SCAF4: variants seen among roughly 807,000 people sequenced by gnomAD.
SCAF4 encodes the protein SR-related CTD associated factor 4.
In SCAF4, 25 loss-of-function variants were observed where a neutral mutation model predicts 129.8. The ratio of observed to expected loss-of-function variants is 0.19; its 90% confidence interval spans 0.14 to 0.27. The LOEUF (loss-of-function observed/expected upper bound fraction) is 0.27, where lower values mean the gene tolerates loss of function less well. Ranked by LOEUF, SCAF4 falls within the 10% of genes least tolerant of loss-of-function variation. The pLI is 1.00. For missense variants in SCAF4, 1,246 were observed against 1,457.1 expected, an observed-to-expected ratio of 0.86 and a Z score of 2.36; for synonymous variants, 551 against 497.7, an observed-to-expected ratio of 1.11 and a Z score of -1.43.
In SCAF4 at chr21:31,671,162, AAAGTC is replaced by A. The variant is rs1000988990; in HGVS notation, c.*232_*236del. The A allele has an allele frequency of 3.0e-5, 12 of 402,540 alleles. No homozygotes were observed. Among genetic ancestry groups the A allele is most frequent in the African/African-American group, 2.3e-4 (11 of 48,640 alleles). 24.9% of individuals were successfully genotyped at this position (402,540 alleles called of 1,614,324 possible). A position where few individuals can be genotyped will look rare whatever the true frequency, so the allele number is the denominator to read the frequency against. ...TCTAATTACGATTTGTAAACTTTTT[AAAGTC>A]AAAACTTTTAAAAAGTTACAGCAAA... is the stretch of plus-strand genomic sequence containing the variant. On this transcript the variant is annotated 3_prime_UTR_variant, in exon 20 of 20. Coordinates refer to ENST00000286835, the MANE Select transcript of SCAF4 (RefSeq NM_020706.2).
chr21:31,706,219 T>A (rs546062493), intron 2 of SCAF4, 55 bp downstream of exon 2: 1 of 1,192,386 alleles, frequency 8.4e-7, no homozygotes, highest in Admixed American at 2.1e-5. Context: ...TTAAAAGTAA[T>A]AAATATTTTC....
chr21:31,712,672 G>T (rs2050832825), intron 1 of SCAF4, among the ~76,000 whole-genome samples: 1 of 151,956 alleles, frequency 6.6e-6, no homozygotes, highest in South Asian at 2.1e-4. Context: ...GGGATTACAG[G>T]CGCCTGCCAC....
chr21:31,711,677 CAGA>C (rs1163575249), intron 1 of SCAF4, among the ~76,000 whole-genome samples: 1 of 152,016 alleles, frequency 6.6e-6, no homozygotes, highest in African/African-American at 2.4e-5. Context: ...TATATTAGCC[CAGA>C]AGAATAGTGT....
At chr21:31,695,483 A>C (rs2050362840) in intron 9 of SCAF4, among the ~76,000 whole-genome samples, 1 of 152,234 alleles carries the variant, frequency 6.6e-6, no homozygotes, top group Non-Finnish European at 1.5e-5. Flanking sequence ...CTACAATCTA[A>C]CATATTTCTG....
At chr21:31,708,207 G>A (rs1215310828) in intron 1 of SCAF4, among the ~76,000 whole-genome samples, 2 of 151,944 alleles carry the variant, frequency 1.3e-5, no homozygotes, top group Non-Finnish European at 2.9e-5. Context: ...GGCCAACGTG[G>A]CGAAACCTCA....
chr21:31,699,993 G>C (rs1415971038), intron 7 of SCAF4, among the ~76,000 whole-genome samples: 1 of 151,854 alleles, frequency 6.6e-6, no homozygotes, highest in East Asian at 1.9e-4. Context: ...TTAGAGACAG[G>C]ATCTCATTCT....
Position 31,732,073 on chromosome 21 carries a change from G to C in SCAF4, c.-381C>G, listed in dbSNP as rs889109547. The C allele has an allele frequency of 2.4e-6, 1 of 412,218 alleles. No individual in the cohort carries two copies. The highest frequency in any genetic ancestry group is 4.2e-6 in the Non-Finnish European group (1 of 235,618). 25.5% of individuals were successfully genotyped at this position (412,218 alleles called of 1,614,324 possible). A position where few individuals can be genotyped will look rare whatever the true frequency, so the allele number is the denominator to read the frequency against. Reference sequence around the variant, plus strand: ...GCGGGCCTCTCTCTCCCTCTCTCCAGCGGGATGGCGGCAGCGGCCCGAGTC... The same window carrying C: ...GCGGGCCTCTCTCTCCCTCTCTCCACCGGGATGGCGGCAGCGGCCCGAGTC... On this transcript the variant is annotated 5_prime_UTR_variant, in exon 1 of 20. Coordinates refer to ENST00000286835, the MANE Select transcript of SCAF4 (RefSeq NM_020706.2).
chr21:31,707,177 A>G (rs2050688011), intron 1 of SCAF4, among the ~76,000 whole-genome samples: 1 of 152,104 alleles, frequency 6.6e-6, no homozygotes. Flanking sequence ...TTTATATCCT[A>G]TAATGTCTCT....
In SCAF4 at chr21:31,690,823, A is replaced by C. The variant is rs370282447; in HGVS notation, c.1859T>G (p.Met620Arg). The change falls in exon 15 of 20, where the codon ATG (methionine) becomes AGG (arginine). Residue 620 changes from methionine (M) to arginine (R), a missense_variant. Physicochemically the swap from Met to Arg is moderately conservative, Grantham distance 91 (BLOSUM62 -1). This residue lies in a region of SCAF4 where 468 missense variants were observed against 605.5 expected (regional missense o/e 0.77). Transcript: ENST00000286835. ...TGGGTTAAGTGTGTCACTGTCCAAC[A>C]TTCCTCCTTCACAAAAACTCTCCAG... ...EELESFCEGG[M>R]LDSDTLNPDW... The C allele has an allele frequency of 1.4e-5, 22 of 1,613,552 alleles. No homozygotes were observed. The highest frequency in any genetic ancestry group is 3.3e-5 in the Admixed American group (2 of 59,932).
chr21:31,718,396 G>T (rs1013449046), intron 1 of SCAF4, among the ~76,000 whole-genome samples: 7 of 152,106 alleles, frequency 4.6e-5, no homozygotes, highest in African/African-American at 1.4e-4. Context: ...TTAGAGGAAG[G>T]TATGAAAACA....
At chr21:31,723,379 G>A (rs2051118445) in intron 1 of SCAF4, among the ~76,000 whole-genome samples, 1 of 151,900 alleles carries the variant, frequency 6.6e-6, no homozygotes. Flanking sequence ...CTTGAACCCA[G>A]GAAACGGAGG....
intron 15 of SCAF4, 109 bp downstream of exon 15, chr21:31,690,688 T>C (rs376474541): frequency 1.0e-6 from 1 of 999,166 alleles, no homozygotes; most frequent in Non-Finnish European, 1.5e-6. Context: ...GGAGGGATCC[T>C]AAAAAATCTC....
At chr21:31,690,634 C>T (rs1427532928) in intron 15 of SCAF4, among the ~76,000 whole-genome samples, 163 bp downstream of exon 15, 1 of 152,194 alleles carries the variant, frequency 6.6e-6, no homozygotes, top group Non-Finnish European at 1.5e-5. Context: ...TCTTTTGTCT[C>T]ATTCACTATT....
intron 1 of SCAF4, among the ~76,000 whole-genome samples, chr21:31,719,863 A>G (rs974943284): frequency 8.5e-5 from 13 of 152,252 alleles, no homozygotes; most frequent in South Asian, 6.2e-4. Flanking sequence ...CCTTCACTCA[A>G]ACTTTCCACT....
rs573116164 is a variant in SCAF4 at position 31,671,108 on chromosome 21, T to TAAA, written c.*288_*290dup. On this transcript the variant is annotated 3_prime_UTR_variant, in exon 20 of 20. Coordinates refer to ENST00000286835, the MANE Select transcript of SCAF4 (RefSeq NM_020706.2). ...CTTTCACCGTTACCTTGTCTTAAATTAAAAAAAAAAAAAAAAATAGAGAGC... is the reference window on the plus strand; with the variant it reads ...CTTTCACCGTTACCTTGTCTTAAATTAAAAAAAAAAAAAAAAAAAATAGAGAGC... The TAAA allele has an allele frequency of 2.9e-5, 6 of 207,856 alleles. No individual in the cohort carries two copies. Among genetic ancestry groups the TAAA allele is most frequent in the South Asian group, 3.0e-4 (2 of 6,558 alleles). The allele number at this position is 207,856 out of a possible 1,614,324, so 12.9% of individuals were successfully genotyped here.
intron 1 of SCAF4, among the ~76,000 whole-genome samples, chr21:31,711,537 A>C (rs775886390): frequency 2.0e-5 from 3 of 152,232 alleles, no homozygotes; most frequent in Non-Finnish European, 4.4e-5. Context: ...TTTACAGATG[A>C]TAGCACTGAG....
chr21:31,677,077 C>A (rs66724284), intron 19 of SCAF4, among the ~76,000 whole-genome samples: 4 of 151,872 alleles, frequency 2.6e-5, no homozygotes, highest in African/African-American at 9.7e-5. Flanking sequence ...TTTTAGTTAC[C>A]CTAGTTGGCT....
chr21:31,677,048 G>T (rs181293701), intron 19 of SCAF4, among the ~76,000 whole-genome samples: 1 of 151,942 alleles, frequency 6.6e-6, no homozygotes, highest in South Asian at 2.1e-4. Context: ...CTAATATTCC[G>T]TGATATGAAT....
chr21:31,718,366 T>C lies in SCAF4; in HGVS notation c.31-12009A>G, dbSNP rs188733365. 5.2e-4 allele frequency among the ~76,000 whole-genome samples: 79 copies of C among 152,330 alleles called. 1 individual carries two copies. Among genetic ancestry groups the C allele is most frequent in the East Asian group, 1.5e-3 (8 of 5,190 alleles). ...CTCAAACCTTTTGAAACCTAAACAT[T>C]TAACCACTTTTCCACTTGCTTAGAG... On this transcript the variant is annotated intron_variant, in intron 1 of 19. Transcript: ENST00000286835.
Sources: gnomAD v4.1 joint callset for allele counts (sites outside exome capture counted in the v4.1 genomes callset) on GRCh38, gnomAD v4.1.1 for gene constraint, gnomAD v4.1.1 regional missense constraint, MANE v1.5 for transcripts, NCBI Gene and HGNC (gene_info 2026-07-23, HGNC 2026-07-21) for gene names.